Variants in XPNPEP1 observed in about 807,000 individuals in gnomAD.
The protein encoded by XPNPEP1 is xaa-Pro aminopeptidase 1.
Under a neutral mutation model 92.4 loss-of-function variants are expected in XPNPEP1, and 39 were observed. The observed-to-expected ratio is 0.42, with a 90% CI of 0.33 to 0.55. The LOEUF (loss-of-function observed/expected upper bound fraction) is 0.55, where lower values mean the gene tolerates loss of function less well. Among genes scored for constraint, XPNPEP1 ranks in the 20% least tolerant of loss-of-function variants. The pLI is 0.08. For synonymous variants in XPNPEP1, 307 were observed against 299.4 expected (o/e 1.03, Z -0.26); for missense variants, 654 against 856.1 (o/e 0.76, Z 2.95).
chr10:109,873,777 C>T (rs1481913242), intron 15 of XPNPEP1, among the ~76,000 whole-genome samples: 1 of 152,200 alleles, frequency 6.6e-6, no homozygotes, highest in Admixed American at 6.5e-5. Context: ...GGATTATCCA[C>T]ACAGTGCAAT....
At chr10:109,875,021 T>A (rs1409389390) in intron 15 of XPNPEP1, among the ~76,000 whole-genome samples, 1 of 152,174 alleles carries the variant, frequency 6.6e-6, no homozygotes, top group Non-Finnish European at 1.5e-5. Flanking sequence ...GGGTTCCGTA[T>A]CAAGACCCAA....
At chr10:109,889,053 G>A (rs1281624076) in intron 5 of XPNPEP1, among the ~76,000 whole-genome samples, 14 of 152,290 alleles carry the variant, frequency 9.2e-5, no homozygotes, top group African/African-American at 2.9e-4. Flanking sequence ...CCCAGTGCCC[G>A]CCCCTCATCT....
chr10:109,880,267 G>T (rs771445245), intron 11 of XPNPEP1, 29 bp from the exon 12 acceptor site: 16 of 1,612,344 alleles, frequency 9.9e-6, no homozygotes, highest in Non-Finnish European at 1.4e-5. Flanking sequence ...CATTTTTTAA[G>T]TTATCACTGA....
rs780465507 is a variant in XPNPEP1, at chr10:109,870,908, A to G, written c.1523-4T>C. 5.0e-6 allele frequency: 8 copies of G among 1,612,586 alleles called. No homozygotes were observed. Among genetic ancestry groups the G allele is most frequent in the Admixed American group, 3.4e-5 (2 of 59,668 alleles). ...GCAAAGGAGTCAAGAAGGTGACCTG[A>G]AAGACATAAAGAGCCACTTAATTGT... is the stretch of plus-strand genomic sequence containing the variant. On this transcript the variant is annotated splice_polypyrimidine_tract_variant and splice_region_variant and intron_variant, in intron 17 of 20. Transcript: ENST00000502935.
intron 2 of XPNPEP1, among the ~76,000 whole-genome samples, 179 bp from the exon 3 acceptor site, chr10:109,907,994 CAG>C (rs1849652092): frequency 6.6e-6 from 1 of 152,234 alleles, no homozygotes; most frequent in Admixed American, 6.5e-5. Flanking sequence ...CTAATGTTCA[CAG>C]TTCTTAAATA....
At chr10:109,914,905 T>A in intron 2 of XPNPEP1, 106 bp downstream of exon 2, 1 of 568,852 alleles carries the variant, frequency 1.8e-6, no homozygotes. Flanking sequence ...CCAGTCATGA[T>A]CTGTTACTAA....
At chr10:109,889,063 T>A (rs1848562697) in intron 5 of XPNPEP1, among the ~76,000 whole-genome samples, 1 of 152,220 alleles carries the variant, frequency 6.6e-6, no homozygotes, top group Non-Finnish European at 1.5e-5. Flanking sequence ...GCCCCTCATC[T>A]GCAAGGGCAG....
intron 3 of XPNPEP1, among the ~76,000 whole-genome samples, chr10:109,896,493 C>T (rs541598056): frequency 5.3e-4 from 76 of 143,304 alleles, no homozygotes; most frequent in African/African-American, 1.6e-3. Context: ...TGGCCTTGAA[C>T]TTCTGGGCTC....
At chr10:109,894,833 G>A (rs775275348) in intron 3 of XPNPEP1, among the ~76,000 whole-genome samples, 44 of 152,278 alleles carry the variant, frequency 2.9e-4, no homozygotes, top group African/African-American at 9.1e-4. Context: ...AAGAACATTC[G>A]GTCAACAGCA....
chr10:109,901,576 A>C (rs915843581), intron 3 of XPNPEP1, among the ~76,000 whole-genome samples: 5 of 152,236 alleles, frequency 3.3e-5, no homozygotes, highest in African/African-American at 4.8e-5. Context: ...TCACACTTTA[A>C]GTAAACTTAC....
intron 16 of XPNPEP1, 105 bp from the exon 17 acceptor site, chr10:109,871,966 T>C (rs753190190): frequency 4.4e-6 from 5 of 1,145,278 alleles, no homozygotes; most frequent in Non-Finnish European, 6.1e-6. Context: ...TTTAGCAATA[T>C]CATAGAGAAA....
intron 3 of XPNPEP1, among the ~76,000 whole-genome samples, chr10:109,901,125 C>G (rs1849265186): frequency 6.6e-6 from 1 of 151,938 alleles, no homozygotes; most frequent in Admixed American, 6.6e-5. Context: ...GAGTTTATGT[C>G]CTTTGTAGGG....
intron 11 of XPNPEP1, among the ~76,000 whole-genome samples, chr10:109,880,597 C>T (rs188589530): frequency 1.1e-4 from 16 of 149,912 alleles, no homozygotes; most frequent in African/African-American, 3.2e-4. Context: ...ATCAGCATCA[C>T]GTCATCACCA....
At chr10:109,888,430 G>A in intron 6 of XPNPEP1, 73 bp downstream of exon 6, 1 of 1,443,260 alleles carries the variant, frequency 6.9e-7, no homozygotes, top group South Asian at 1.3e-5. Flanking sequence ...CACCCCACAA[G>A]CAAATGAGGA....
chr10:109,868,816 T>C, intron 19 of XPNPEP1, 104 bp from the exon 20 acceptor site: 1 of 1,087,560 alleles, frequency 9.2e-7, no homozygotes, highest in Non-Finnish European at 1.4e-6. Flanking sequence ...CAGGGGTAAC[T>C]GGGAGCCAAG....
chr10:109,870,262 G>A (rs938695807), intron 18 of XPNPEP1, among the ~76,000 whole-genome samples: 3 of 151,998 alleles, frequency 2.0e-5, no homozygotes, highest in African/African-American at 7.2e-5. Flanking sequence ...ACTGGCTACA[G>A]GGTAAGGAGT....
intron 2 of XPNPEP1, among the ~76,000 whole-genome samples, chr10:109,913,323 C>T (rs1849983534): frequency 1.3e-5 from 2 of 152,242 alleles, no homozygotes; most frequent in African/African-American, 4.8e-5. Context: ...GCATCTATTA[C>T]ACTGCAGGAG....
intron 3 of XPNPEP1, among the ~76,000 whole-genome samples, chr10:109,903,368 CGGA>C (rs1849389349): frequency 6.6e-6 from 1 of 152,182 alleles, no homozygotes; most frequent in African/African-American, 2.4e-5. Flanking sequence ...AGAACCCTTT[CGGA>C]GGAGGGCCCC....
intron 12 of XPNPEP1, 57 bp downstream of exon 12, chr10:109,880,131 A>G: frequency 1.3e-6 from 2 of 1,546,696 alleles, no homozygotes; most frequent in Admixed American, 1.7e-5. Flanking sequence ...TTAGAATCAC[A>G]TATAGGTAGG....
Sources: allele counts gnomAD v4.1 joint callset (sites outside exome capture counted in the v4.1 genomes callset), GRCh38; gene constraint gnomAD v4.1.1; transcripts MANE v1.5; gene names NCBI Gene and HGNC (gene_info 2026-07-23, HGNC 2026-07-21).